Variants in PPP2CB observed in about 807,000 individuals in gnomAD.
PPP2CB encodes the protein serine/threonine-protein phosphatase 2A catalytic subunit beta isoform.
PPP2CB carries 18 observed loss-of-function variants against 39.1 expected under a neutral mutation model. The observed-to-expected ratio is 0.46, with a 90% confidence interval of 0.32 to 0.68. PPP2CB has a LOEUF of 0.68. Ranked by LOEUF, PPP2CB falls within the 30% of genes least tolerant of loss-of-function variation. The pLI is 0.04. For missense variants in PPP2CB, 226 were observed against 396.9 expected, an observed-to-expected ratio of 0.57 and a Z score of 3.66; for synonymous variants, 129 against 133.8, an observed-to-expected ratio of 0.96 and a Z score of 0.25.
At chr8:30,790,408 C>G (rs1248937791) in intron 6 of PPP2CB, among the ~76,000 whole-genome samples, 2 of 152,190 alleles carry the variant, frequency 1.3e-5, no homozygotes, top group Non-Finnish European at 2.9e-5. Context: ...GGAGCTATTA[C>G]AGCCCTCTTA....
At chr8:30,789,237 T>C (rs1299633662) in intron 6 of PPP2CB, among the ~76,000 whole-genome samples, 2 of 152,038 alleles carry the variant, frequency 1.3e-5, no homozygotes, top group African/African-American at 4.8e-5. Context: ...TCCATGTTGG[T>C]CAGGCTGGTC....
chr8:30,794,840 C>G (rs75040855), intron 3 of PPP2CB, among the ~76,000 whole-genome samples: 188 of 152,288 alleles, frequency 1.2e-3, no homozygotes, highest in African/African-American at 4.3e-3. Flanking sequence ...CACTCTGATT[C>G]CTGTTACTGG....
intron 6 of PPP2CB, among the ~76,000 whole-genome samples, chr8:30,787,040 A>C (rs1806354355): frequency 6.6e-6 from 1 of 152,074 alleles, no homozygotes. Context: ...TGAGATGATC[A>C]TGTGTTTTTT....
chr8:30,792,720 T>C (rs1258364963), intron 5 of PPP2CB, among the ~76,000 whole-genome samples: 1 of 152,030 alleles, frequency 6.6e-6, no homozygotes, highest in African/African-American at 2.4e-5. Context: ...CCTCCCAAAG[T>C]GCTGGGATTA....
rs182054231 is a variant in PPP2CB, at chr8:30,800,249, C to T, written c.103-494G>A. ...AATGAAGTACTGATACATGCTACAA[C>T]TTTGAAGACATTATGGTAAGTGCAA... On this transcript the variant is annotated intron_variant, in intron 1 of 6. Transcript: ENST00000221138. 2.0e-5 allele frequency among the ~76,000 whole-genome samples: 3 copies of T among 152,306 alleles called. No homozygotes were observed. The East Asian group carries it at 5.8e-4, about 29-fold the overall frequency.
chr8:30,797,917 G>A (rs923259635), intron 2 of PPP2CB, among the ~76,000 whole-genome samples, 163 bp from the exon 3 acceptor site: 2 of 152,086 alleles, frequency 1.3e-5, no homozygotes, highest in Admixed American at 6.5e-5. Context: ...TCATAACCAG[G>A]TCTTACTGGT....
At chr8:30,788,782 T>G (rs377094179) in intron 6 of PPP2CB, among the ~76,000 whole-genome samples, 3 of 152,238 alleles carry the variant, frequency 2.0e-5, no homozygotes, top group African/African-American at 7.2e-5. Flanking sequence ...TGCCTAGTTG[T>G]TCTATCCAAG....
intron 5 of PPP2CB, among the ~76,000 whole-genome samples, chr8:30,792,339 G>A (rs1806452371): frequency 1.3e-5 from 2 of 152,052 alleles, no homozygotes; most frequent in Non-Finnish European, 2.9e-5. Flanking sequence ...AGAGGCACGA[G>A]CCACCACGCC....
chr8:30,787,869 A>G (rs1048674929), intron 6 of PPP2CB, among the ~76,000 whole-genome samples: 4 of 152,306 alleles, frequency 2.6e-5, no homozygotes, highest in African/African-American at 7.2e-5. Context: ...TGCTGGCTCA[A>G]TATTTTCACA....
At chr8:30,796,061 T>C (rs76743028) in intron 3 of PPP2CB, among the ~76,000 whole-genome samples, 1 of 152,256 alleles carries the variant, frequency 6.6e-6, no homozygotes, top group South Asian at 2.1e-4. Context: ...GGCTGTCTTT[T>C]AAAAATCATT....
chr8:30,802,437 G>T (rs1806642326), intron 1 of PPP2CB, among the ~76,000 whole-genome samples: 1 of 152,094 alleles, frequency 6.6e-6, no homozygotes, highest in South Asian at 2.1e-4. Context: ...GGACAGGAAT[G>T]GTGGGTAGAG....
chr8:30,806,816 A>G (rs1806733885), intron 1 of PPP2CB, among the ~76,000 whole-genome samples: 1 of 152,230 alleles, frequency 6.6e-6, no homozygotes, highest in Admixed American at 6.5e-5. Flanking sequence ...AGGCAATGAA[A>G]AGAAATTTTA....
At chr8:30,787,741 T>A (rs1174966532) in intron 6 of PPP2CB, among the ~76,000 whole-genome samples, 1 of 152,192 alleles carries the variant, frequency 6.6e-6, no homozygotes, top group Non-Finnish European at 1.5e-5. Flanking sequence ...TTATATTCTT[T>A]TAAATTAAAT....
At position 30,798,183 on chromosome 8, in the gene PPP2CB, T is replaced by G. The variant is rs140202546; in HGVS notation, c.313-429A>C. 2.1e-3 allele frequency among the ~76,000 whole-genome samples: 327 copies of G among 152,334 alleles called. 1 individual carries two copies. Among genetic ancestry groups the G allele is most frequent in the African/African-American group, 7.5e-3 (310 of 41,582 alleles). ...ACAGATTAACTTCTTCCCTTTTCAA[T>G]TTTTATTTCCCACAGGAAGATTGGA... On this transcript the variant is annotated intron_variant, in intron 2 of 6. Coordinates refer to ENST00000221138, the MANE Select transcript of PPP2CB (RefSeq NM_001009552.2).
At chr8:30,793,245 A>G (rs1260708882) in intron 5 of PPP2CB, 1 of 152,222 alleles carries the variant, frequency 6.6e-6, no homozygotes, top group African/African-American at 2.4e-5. Context: ...TTTCTGTAAG[A>G]TAAAATGCTC....
intron 3 of PPP2CB, among the ~76,000 whole-genome samples, chr8:30,796,523 G>A (rs2128761210): frequency 6.6e-6 from 1 of 152,126 alleles, no homozygotes; most frequent in Admixed American, 6.5e-5. Context: ...GCTGGGACTG[G>A]GACTACAGGC....
chr8:30,808,909 G>A (rs926239599), intron 1 of PPP2CB, among the ~76,000 whole-genome samples: 1 of 149,174 alleles, frequency 6.7e-6, no homozygotes, highest in African/African-American at 2.5e-5. Flanking sequence ...TTCTCATTAG[G>A]ACTTTACATG....
chr8:30,790,486 A>C (rs1458430492), intron 6 of PPP2CB, among the ~76,000 whole-genome samples: 1 of 152,208 alleles, frequency 6.6e-6, no homozygotes, highest in East Asian at 1.9e-4. Context: ...CCATCACCTA[A>C]GTAAGATAAG....
intron 6 of PPP2CB, among the ~76,000 whole-genome samples, chr8:30,789,843 T>C (rs1806403190): frequency 6.6e-6 from 1 of 152,152 alleles, no homozygotes; most frequent in Non-Finnish European, 1.5e-5. Context: ...CCTCTCACAG[T>C]TCTGGAGGCT....
Sources: gnomAD v4.1 joint callset for allele counts (sites outside exome capture counted in the v4.1 genomes callset) on GRCh38, gnomAD v4.1.1 for gene constraint, MANE v1.5 for transcripts, NCBI Gene and HGNC (gene_info 2026-07-23, HGNC 2026-07-21) for gene names.